Variants in ADGRV1 observed in about 807,000 individuals in gnomAD.
ADGRV1 encodes the protein adhesion G protein-coupled receptor V1, also known as G-protein coupled receptor 98.
A neutral mutation model predicts 596.2 loss-of-function variants in ADGRV1; 359 were observed. That is an observed-to-expected ratio of 0.60 (90% CI 0.55 to 0.66). ADGRV1 has a LOEUF of 0.66. Among genes scored for constraint, ADGRV1 ranks in the 30% least tolerant of loss-of-function variants. The pLI is 0.00. For synonymous variants in ADGRV1, 2,681 were observed against 2,679.2 expected, an observed-to-expected ratio of 1.00 and a Z score of -0.02; for missense variants, 7,274 against 7,575.6, an observed-to-expected ratio of 0.96 and a Z score of 1.48.
chr5:91,013,638 T>C (rs527255213), intron 85 of ADGRV1, among the ~76,000 whole-genome samples: 1 of 152,282 alleles, frequency 6.6e-6, no homozygotes, highest in African/African-American at 2.4e-5. Context: ...TTTGAATTTT[T>C]TTCTCCCATT....
chr5:91,156,866 C>T (rs1796522498), intron 89 of ADGRV1, among the ~76,000 whole-genome samples: 1 of 152,170 alleles, frequency 6.6e-6, no homozygotes, highest in African/African-American at 2.4e-5. Context: ...ACCCATAAGG[C>T]CAGATTCAGC....
intron 1 of ADGRV1, among the ~76,000 whole-genome samples, chr5:90,603,139 C>T (rs1008957332): frequency 6.6e-6 from 1 of 152,214 alleles, no homozygotes; most frequent in African/African-American, 2.4e-5. Context: ...ACCTGTGCTT[C>T]CCATGCCAGT....
At chr5:90,847,943 G>T (rs1341750404) in intron 78 of ADGRV1, among the ~76,000 whole-genome samples, 1 of 152,190 alleles carries the variant, frequency 6.6e-6, no homozygotes, top group African/African-American at 2.4e-5. Context: ...CTCAAGCGCG[G>T]CCAGAGTGGG....
intron 84 of ADGRV1, among the ~76,000 whole-genome samples, chr5:90,978,295 AAAAT>A (rs10529732): frequency 4.7e-5 from 7 of 148,476 alleles, no homozygotes; most frequent in East Asian, 2.0e-4. Context: ...ACTTCATCTC[AAAAT>A]AAATAAATAA....
chr5:90,688,315 A>G (rs1364897286), intron 29 of ADGRV1, among the ~76,000 whole-genome samples: 2 of 152,136 alleles, frequency 1.3e-5, no homozygotes, highest in African/African-American at 2.4e-5. Flanking sequence ...TATTTAATAA[A>G]TGGTGCTGGG....
intron 83 of ADGRV1, among the ~76,000 whole-genome samples, chr5:90,906,856 A>G (rs1159194389): frequency 6.6e-6 from 1 of 152,002 alleles, no homozygotes; most frequent in East Asian, 1.9e-4. Context: ...CATTGTTTTA[A>G]TGTAGGAAAA....
intron 86 of ADGRV1, among the ~76,000 whole-genome samples, chr5:91,087,437 C>A (rs1789981131): frequency 6.6e-6 from 1 of 151,670 alleles, no homozygotes; most frequent in African/African-American, 2.4e-5. Flanking sequence ...GCTGAGACTG[C>A]AGGCATGCAC....
At chr5:91,035,726 C>A (rs1784804240) in intron 85 of ADGRV1, among the ~76,000 whole-genome samples, 1 of 150,726 alleles carries the variant, frequency 6.6e-6, no homozygotes, top group Non-Finnish European at 1.5e-5. Context: ...GCTGGTGTGA[C>A]CTTAGACAAG....
At chr5:90,833,727 A>G (rs982492993) in intron 77 of ADGRV1, among the ~76,000 whole-genome samples, 4 of 152,134 alleles carry the variant, frequency 2.6e-5, no homozygotes, top group Admixed American at 2.6e-4. Flanking sequence ...AATGCTACTG[A>G]TTTTTGTATG....
intron 83 of ADGRV1, among the ~76,000 whole-genome samples, chr5:90,958,309 GAAAAGAAAAAGGGA>G (rs1299103452): frequency 6.7e-5 from 9 of 134,590 alleles, no homozygotes; most frequent in African/African-American, 2.2e-4. Context: ...AAAAAGAAAA[GAAAAGAAAAAGGGA>G]AAAAGAAAAA....
chr5:90,701,305 T>G (rs915381308), intron 34 of ADGRV1, among the ~76,000 whole-genome samples: 1 of 152,040 alleles, frequency 6.6e-6, no homozygotes, highest in Non-Finnish European at 1.5e-5. Flanking sequence ...TATTTTTAAG[T>G]TTTTCATTTT....
intron 17 of ADGRV1, among the ~76,000 whole-genome samples, chr5:90,648,251 G>T (rs538697302): frequency 6.6e-6 from 1 of 152,172 alleles, no homozygotes; most frequent in East Asian, 1.9e-4. Context: ...AAGTGAAAAA[G>T]ATGTGTTCGT....
At chr5:90,945,748 G>A (rs959962410) in intron 83 of ADGRV1, among the ~76,000 whole-genome samples, 1 of 152,182 alleles carries the variant, frequency 6.6e-6, no homozygotes, top group Non-Finnish European at 1.5e-5. Context: ...CACCCTGCAA[G>A]GCTGAGGCAG....
rs1006287028 is a variant in ADGRV1, at chr5:90,728,001, C to T, written c.10162-668C>T. Among the ~76,000 whole-genome samples the T allele has an allele frequency of 2.6e-5, 4 of 152,080 alleles. No individual in the cohort carries two copies. In the East Asian group the frequency reaches 5.8e-4, roughly 22 times the overall value. ...CATTGACTTAATTATTGATATGTTT[C>T]TTGTTTACCTTTTCCTAATAGTTAA... On this transcript the variant is annotated intron_variant, in intron 48 of 89. Coordinates refer to ENST00000405460, the MANE Select transcript of ADGRV1 (RefSeq NM_032119.4).
At position 90,745,772 on chromosome 5, in the gene ADGRV1, T is replaced by A; in HGVS notation, c.10951T>A (p.Tyr3651Asn). The A allele has an allele frequency of 6.2e-7, 1 of 1,606,034 alleles. No homozygotes were observed. Among genetic ancestry groups the A allele is most frequent in the Non-Finnish European group, 8.5e-7 (1 of 1,173,772 alleles). ...TITILSNDDA[Y>N]GIVAFAQNSL... ...AACCATTCTGTCTAATGATGATGCC[T>A]ATGGAATTGTTGCATTTGCTCAGGT... The change falls in exon 52 of 90, where the codon TAT becomes AAT. Residue 3651 changes from tyrosine (Y) to asparagine (N), a missense_variant. This residue lies in a region of ADGRV1 where 3,643 missense variants were observed against 3,809.2 expected (regional missense o/e 0.96). Transcript: ENST00000405460.
At chr5:90,646,606 CTT>C (rs1271367800) in intron 16 of ADGRV1, among the ~76,000 whole-genome samples, 1 of 152,060 alleles carries the variant, frequency 6.6e-6, no homozygotes, top group Non-Finnish European at 1.5e-5. Flanking sequence ...TCAGAACTGT[CTT>C]TGGCCACCTG....
At chr5:90,672,803 C>G (rs762944394) in intron 22 of ADGRV1, 81 bp downstream of exon 22, 12 of 1,106,534 alleles carry the variant, frequency 1.1e-5, no homozygotes, top group African/African-American at 1.6e-5. Context: ...TTCTTTGCAG[C>G]TTTTGATTGA....
At chr5:91,085,773 A>G (rs1476850607) in intron 86 of ADGRV1, among the ~76,000 whole-genome samples, 1 of 152,186 alleles carries the variant, frequency 6.6e-6, no homozygotes, top group Non-Finnish European at 1.5e-5. Flanking sequence ...AGAAATATGT[A>G]TCACTTTACA....
At chr5:90,563,740 C>A (rs1055857979) in intron 1 of ADGRV1, among the ~76,000 whole-genome samples, 1 of 152,158 alleles carries the variant, frequency 6.6e-6, no homozygotes, top group Admixed American at 6.5e-5. Context: ...TAAAGTGTTA[C>A]AACAAATGAA....
Sources: allele counts gnomAD v4.1 joint callset (sites outside exome capture counted in the v4.1 genomes callset), GRCh38; gene constraint gnomAD v4.1.1; regional missense constraint gnomAD v4.1.1; transcripts MANE v1.5; gene names NCBI Gene and HGNC (gene_info 2026-07-23, HGNC 2026-07-21).